INO80D: variants seen among roughly 807,000 people sequenced by gnomAD.
The protein encoded by INO80D is INO80 complex subunit D.
INO80D carries 21 observed loss-of-function variants against 87.6 expected under a neutral mutation model. The ratio of observed to expected loss-of-function variants is 0.24; its 90% CI spans 0.17 to 0.35. The LOEUF (loss-of-function observed/expected upper bound fraction) is 0.35, where lower values mean the gene tolerates loss of function less well. Among genes scored for constraint, INO80D ranks in the 10% least tolerant of loss-of-function variants. INO80D has a pLI of 1.00. For missense variants in INO80D, 982 were observed against 1,280.7 expected, an observed-to-expected ratio of 0.77 and a Z score of 3.56; for synonymous variants, 440 against 491.0, an observed-to-expected ratio of 0.90 and a Z score of 1.37.
intron 1 of INO80D, among the ~76,000 whole-genome samples, chr2:206,079,087 T>A (rs1690204551): frequency 6.6e-6 from 1 of 152,170 alleles, no homozygotes; most frequent in Non-Finnish European, 1.5e-5. Context: ...CTTTTTTTTT[T>A]TCTGAGTTAA....
chr2:206,005,649 G>A, intron 10 of INO80D, 116 bp from the exon 11 acceptor site: 1 of 860,964 alleles, frequency 1.2e-6, no homozygotes, highest in Middle Eastern at 2.5e-4. Context: ...CTCTTGAAAA[G>A]AAAAGTTTCC....
chr2:205,996,267 C>T lies in INO80D; in HGVS notation c.*8101G>A, dbSNP rs1687805225. On this transcript the variant is annotated 3_prime_UTR_variant, in exon 11 of 11. Coordinates refer to ENST00000403263, the MANE Select transcript of INO80D (RefSeq NM_017759.5). ...AGAAGTTGATGAAATATGCTTAAGCCAGATGCTTCTGGCTAGAAGAGACAG... is the reference window on the plus strand; with the variant it reads ...AGAAGTTGATGAAATATGCTTAAGCTAGATGCTTCTGGCTAGAAGAGACAG... 1 of 149,420 alleles carries T rather than the reference C, an allele frequency of 6.7e-6. No homozygotes were observed. Among genetic ancestry groups the T allele is most frequent in the African/African-American group, 2.5e-5 (1 of 40,736 alleles). The allele number at this position is 149,420 out of a possible 1,614,324, so 9.3% of individuals were successfully genotyped here.
chr2:206,004,316 CA>C lies in INO80D; in HGVS notation c.*51del. The stretch of plus-strand genomic sequence containing the variant: ...GGGGAGAGGGGTGCTAAAGAGGAAA[CA>C]AAGATAGAAAACACTGGGTTCCCCA... On this transcript the variant is annotated 3_prime_UTR_variant, in exon 11 of 11. Transcript: ENST00000403263. The surrounding 1 kb of genome is among the most constrained non-coding windows in gnomAD (Gnocchi z 4.9). The C allele has an allele frequency of 6.7e-7, 1 of 1,484,790 alleles. No individual in the cohort carries two copies. Among genetic ancestry groups the C allele is most frequent in the Non-Finnish European group, 9.2e-7 (1 of 1,089,768 alleles). 92.0% of individuals were successfully genotyped at this position (1,484,790 alleles called of 1,614,324 possible).
intron 6 of INO80D, chr2:206,025,542 A>AAAATATATATATATATAT (rs71301548): frequency 3.4e-4 from 26 of 76,912 alleles, no homozygotes; most frequent in South Asian, 6.5e-4. Flanking sequence ...AAAAAAAAAA[A>AAAATATATATATATATAT]ATATATATAT....
intron 1 of INO80D, among the ~76,000 whole-genome samples, chr2:206,067,103 C>T (rs1223487705): frequency 4.0e-5 from 6 of 151,122 alleles, no homozygotes; most frequent in East Asian, 2.0e-4. Flanking sequence ...CAAAAGTAGC[C>T]GGGCATGGTG....
rs551923596 is a variant in INO80D, at chr2:206,075,689, C to T, written c.-124+10212G>A. ...CTGACATCAAGTGATCCGCCCACCTCGGCCTCCCAAAGTGCTGGGATTACA... is the reference window on the plus strand; with the variant it reads ...CTGACATCAAGTGATCCGCCCACCTTGGCCTCCCAAAGTGCTGGGATTACA... On this transcript the variant is annotated intron_variant, in intron 1 of 10. Transcript: ENST00000403263. 2.8e-3 allele frequency among the ~76,000 whole-genome samples: 420 copies of T among 151,736 alleles called. 3 individuals are homozygous for T. The highest frequency in any genetic ancestry group is 0.02 in the Middle Eastern group (6 of 294).
chr2:206,076,190 G>A (rs187456999), intron 1 of INO80D, among the ~76,000 whole-genome samples: 111 of 151,816 alleles, frequency 7.3e-4, no homozygotes, highest in African/African-American at 2.4e-3. Flanking sequence ...TGAAACCCTC[G>A]ACAAAAAATA....
chr2:206,040,700 T>C, intron 5 of INO80D: 1 of 255,102 alleles, frequency 3.9e-6, no homozygotes, highest in Non-Finnish European at 8.3e-6. Flanking sequence ...TCTGTGGATA[T>C]CCTCTTACAC....
intron 7 of INO80D, among the ~76,000 whole-genome samples, chr2:206,018,423 GGC>G (rs1343306628): frequency 6.6e-6 from 1 of 152,094 alleles, no homozygotes; most frequent in Non-Finnish European, 1.5e-5. Flanking sequence ...TGAGATTATA[GGC>G]ATAAGCCACT....
At chr2:206,074,986 C>G (rs892071091) in intron 1 of INO80D, among the ~76,000 whole-genome samples, 2 of 145,468 alleles carry the variant, frequency 1.4e-5, no homozygotes, top group African/African-American at 2.6e-5. Flanking sequence ...TTGCTGTGAG[C>G]TGAGATCGCT....
intron 8 of INO80D, among the ~76,000 whole-genome samples, chr2:206,014,365 A>T (rs1359889762): frequency 6.6e-6 from 1 of 152,214 alleles, no homozygotes; most frequent in Non-Finnish European, 1.5e-5. Context: ...GTCCCCACCC[A>T]AATTTCATCT....
At position 205,996,387 on chromosome 2, in the gene INO80D, T is replaced by C. The variant is rs1687808839; in HGVS notation, c.*7981A>G. 2 of 151,452 alleles carry C rather than the reference T, an allele frequency of 1.3e-5. No individual in the cohort carries two copies. The highest frequency in any genetic ancestry group is 4.8e-5 in the African/African-American group (2 of 41,274). 9.4% of individuals were successfully genotyped at this position (151,452 alleles called of 1,614,324 possible). On this transcript the variant is annotated 3_prime_UTR_variant, in exon 11 of 11. Coordinates refer to ENST00000403263, the MANE Select transcript of INO80D (RefSeq NM_017759.5). ...AGTAGAAGGTGGTGAAGATGAAGAA[T>C]AGTGGAACTGGCAAGTAAGAACTGT...
At chr2:206,046,097 T>C (rs1175121027) in intron 5 of INO80D, among the ~76,000 whole-genome samples, 1 of 152,210 alleles carries the variant, frequency 6.6e-6, no homozygotes, top group Non-Finnish European at 1.5e-5. Context: ...TATAGTACAT[T>C]TACTCCCAAG....
intron 4 of INO80D, among the ~76,000 whole-genome samples, chr2:206,049,473 T>C (rs897316293): frequency 6.6e-6 from 1 of 152,178 alleles, no homozygotes; most frequent in African/African-American, 2.4e-5. Context: ...TTTGTTTCAA[T>C]AGAATAATTT....
rs1421581556 is a variant in INO80D at position 205,996,514 on chromosome 2, C to T, written c.*7854G>A. 2 of 152,006 alleles carry T rather than the reference C, an allele frequency of 1.3e-5. No homozygotes were observed. Among genetic ancestry groups the T allele is most frequent in the Admixed American group, 1.3e-4 (2 of 15,268 alleles). 9.4% of individuals were successfully genotyped at this position (152,006 alleles called of 1,614,324 possible). A position where few individuals can be genotyped will look rare whatever the true frequency, so the allele number is the denominator to read the frequency against. ...GATGTACTCTAGACTGTCACCTCCT[C>T]TGGCTTACAGAATAATCCAGAACTT... is the stretch of plus-strand genomic sequence containing the variant. On this transcript the variant is annotated 3_prime_UTR_variant, in exon 11 of 11. Coordinates refer to ENST00000403263, the MANE Select transcript of INO80D (RefSeq NM_017759.5).
At chr2:206,057,171 G>A (rs549666953) in intron 3 of INO80D, among the ~76,000 whole-genome samples, 1 of 152,306 alleles carries the variant, frequency 6.6e-6, no homozygotes, top group East Asian at 1.9e-4. Context: ...TGGCCAGACA[G>A]AAGCAAGTCA....
In INO80D at chr2:206,081,970, A is replaced by G. The variant is rs143710253; in HGVS notation, c.-124+3931T>C. On this transcript the variant is annotated intron_variant, in intron 1 of 10. Transcript: ENST00000403263. ...GGGATCAGAACTCAAAGCCCAGTCT[A>G]AAGGTGTCACTGCAGGAAGTCATGC... Among the ~76,000 whole-genome samples the G allele has an allele frequency of 1.8e-4, 27 of 152,300 alleles. No individual in the cohort carries two copies. The East Asian group carries it at 5.2e-3, about 29-fold the overall frequency.
chr2:205,993,977 G>C lies in INO80D; in HGVS notation c.*10391C>G, dbSNP rs751926420. On this transcript the variant is annotated 3_prime_UTR_variant, in exon 11 of 11. Coordinates refer to ENST00000403263, the MANE Select transcript of INO80D (RefSeq NM_017759.5). ...AACAGTAATACAGTACATTCATTGA[G>C]ATATATATGGAAAATGTGAGCCATC... 2 of 152,126 alleles carry C rather than the reference G, an allele frequency of 1.3e-5. No individual in the cohort carries two copies. Among genetic ancestry groups the C allele is most frequent in the Non-Finnish European group, 2.9e-5 (2 of 68,030 alleles). The allele number at this position is 152,126 out of a possible 1,614,324, so 9.4% of individuals were successfully genotyped here.
At chr2:206,039,265 C>T (rs1237496700) in intron 5 of INO80D, among the ~76,000 whole-genome samples, 2 of 151,874 alleles carry the variant, frequency 1.3e-5, no homozygotes, top group African/African-American at 2.4e-5. Context: ...GGCGTGGTGG[C>T]GCATGCCTGT....
Sources: gnomAD v4.1 joint callset for allele counts (sites outside exome capture counted in the v4.1 genomes callset) on GRCh38, gnomAD v4.1.1 for gene constraint, Gnocchi (gnomAD v3.1) non-coding constraint, MANE v1.5 for transcripts, NCBI Gene and HGNC (gene_info 2026-07-23, HGNC 2026-07-21) for gene names.